Variants in DOCK11 observed in about 807,000 individuals in gnomAD.
DOCK11 encodes dedicator of cytokinesis 11.
Under a neutral mutation model 169.1 loss-of-function variants are expected in DOCK11, and 70 were observed. The ratio of observed to expected loss-of-function variants is 0.41; its 90% CI spans 0.34 to 0.51. The LOEUF (loss-of-function observed/expected upper bound fraction) is 0.51, where lower values mean the gene tolerates loss of function less well. Ranked by LOEUF, DOCK11 falls within the 20% of genes least tolerant of loss-of-function variation. The pLI, the probability that DOCK11 is intolerant of heterozygous loss-of-function variation, is 0.10. For missense variants in DOCK11, 1,166 were observed against 1,538.8 expected (o/e 0.76, Z 4.05); for synonymous variants, 529 against 541.3 (o/e 0.98, Z 0.32).
chrX:118,501,392 A>G (rs2057575119), intron 1 of DOCK11, among the ~76,000 whole-genome samples: 1 of 112,013 alleles, frequency 8.9e-6, no homozygotes, highest in Non-Finnish European at 1.9e-5. Context: ...AGGCTGAGGC[A>G]GGAGAATCGC....
chrX:118,647,704 T>C (rs1200912356), intron 40 of DOCK11, among the ~76,000 whole-genome samples: 1 of 52,348 alleles, frequency 1.9e-5, no homozygotes, highest in African/African-American at 8.6e-5. Context: ...ATATAATATA[T>C]AATAATATAA....
intron 6 of DOCK11, among the ~76,000 whole-genome samples, chrX:118,558,444 GTTATT>G (rs2012796800): frequency 8.9e-6 from 1 of 111,733 alleles, no homozygotes; most frequent in Non-Finnish European, 1.9e-5. Flanking sequence ...CTGTATAGTC[GTTATT>G]TTAACACCTG....
Position 118,584,753 on chromosome X carries a change from T to A in DOCK11, c.1614T>A (p.Thr538=). 8.5e-7 allele frequency: 1 copy of A among 1,177,066 alleles called. No homozygotes were observed. The highest frequency in any genetic ancestry group is 1.1e-6 in the Non-Finnish European group (1 of 878,549). The change falls in exon 15 of 53, where the codon ACT becomes ACA. Residue 538 remains threonine (T), a synonymous_variant. Coordinates refer to ENST00000276202, the MANE Select transcript of DOCK11 (RefSeq NM_144658.4). ...AWAARPIFKD[T]QGSLDLDGRF... Reference sequence around the variant, plus strand: ...GTTTTAGACCCATTTTCAAAGATACTCAAGGCTCTCTTGATCTGGATGGGA... The same window carrying A: ...GTTTTAGACCCATTTTCAAAGATACACAAGGCTCTCTTGATCTGGATGGGA...
chrX:118,647,669 AATT>A (rs777173487), intron 40 of DOCK11, among the ~76,000 whole-genome samples: 7,484 of 56,300 alleles, frequency 0.13, 558 homozygotes, highest in African/African-American at 0.16. Flanking sequence ...ATATATTAAT[AATT>A]ATTATATAAT....
intron 40 of DOCK11, among the ~76,000 whole-genome samples, chrX:118,646,071 A>C (rs1252716812): frequency 9.4e-6 from 1 of 106,730 alleles, no homozygotes; most frequent in Non-Finnish European, 1.9e-5. Flanking sequence ...AAAAAAAAAA[A>C]AAAAACACAA....
At chrX:118,650,241 C>T (rs1234391378) in intron 41 of DOCK11, among the ~76,000 whole-genome samples, 1 of 111,797 alleles carries the variant, frequency 8.9e-6, no homozygotes, top group Non-Finnish European at 1.9e-5. Flanking sequence ...TAAAATAAGG[C>T]GTGTATAGTG....
Position 118,683,118 on chromosome X carries a change from T to C in DOCK11, c.6003T>C (p.Asn2001=), listed in dbSNP as rs370426610. 27 of 1,208,904 alleles carry C rather than the reference T, an allele frequency of 2.2e-5. No individual in the cohort carries two copies. In the South Asian group the frequency reaches 4.6e-4, roughly 21 times the overall value. Residue 2001 remains asparagine (N), a synonymous_variant, in exon 52 of 53, where the codon AAT becomes AAC. Transcript: ENST00000276202. The part of the protein sequence containing the change: ...IQACSIALEL[N]ERLIKEDQVE... Reference sequence around the variant, plus strand: ...CATGCAGCATTGCACTTGAACTAAATGAGCGGCTAATTAAAGAAGATCAAG... The same window carrying C: ...CATGCAGCATTGCACTTGAACTAAACGAGCGGCTAATTAAAGAAGATCAAG...
At chrX:118,672,567 G>A (rs1310565408) in intron 46 of DOCK11, among the ~76,000 whole-genome samples, 1 of 112,432 alleles carries the variant, frequency 8.9e-6, no homozygotes, top group Non-Finnish European at 1.9e-5. Context: ...TGAGTAGCTG[G>A]GATTACAGGC....
intron 1 of DOCK11, among the ~76,000 whole-genome samples, chrX:118,518,638 C>T (rs1355990723): frequency 8.9e-6 from 1 of 111,995 alleles, no homozygotes; most frequent in Non-Finnish European, 1.9e-5. Context: ...ATAAGTGAAG[C>T]AGAGAGGATT....
chrX:118,654,298 A>G (rs1386882085), intron 42 of DOCK11, among the ~76,000 whole-genome samples: 2 of 112,322 alleles, frequency 1.8e-5, no homozygotes, highest in Non-Finnish European at 3.8e-5. Flanking sequence ...ACGGCAAACA[A>G]AGATCACTCC....
rs773863422 is a variant in DOCK11, at chrX:118,680,621, C to A, written c.5600C>A (p.Ala1867Asp). The A allele has an allele frequency of 6.6e-6, 8 of 1,208,386 alleles. No individual in the cohort carries two copies. ...AATATCAGCAGATTTGTTTTTGAGG[C>A]CCCTTACACTTTATCAGGCAAAAAA... is the stretch of plus-strand genomic sequence containing the variant. ...NHNISRFVFE[A>D]PYTLSGKKQG... The change falls in exon 49 of 53, where the codon GCC becomes GAC. Residue 1867 changes from alanine (A) to aspartate (D), a missense_variant. Coordinates refer to ENST00000276202, the MANE Select transcript of DOCK11 (RefSeq NM_144658.4).
chrX:118,572,013 G>A (rs1036434747), intron 10 of DOCK11, among the ~76,000 whole-genome samples: 2 of 112,098 alleles, frequency 1.8e-5, no homozygotes, highest in Non-Finnish European at 3.8e-5. Flanking sequence ...AATTGTGGTA[G>A]GAGATGAGGT....
At chrX:118,635,543 A>G (rs1464694056) in intron 35 of DOCK11, among the ~76,000 whole-genome samples, 4 of 112,252 alleles carry the variant, frequency 3.6e-5, no homozygotes, top group Non-Finnish European at 7.5e-5. Context: ...CAGAGAGAAA[A>G]AGGAAAGTTA....
chrX:118,677,172 A>G (rs945810051), intron 48 of DOCK11, among the ~76,000 whole-genome samples: 1 of 112,369 alleles, frequency 8.9e-6, no homozygotes, highest in Non-Finnish European at 1.9e-5. Context: ...CCGTTACATC[A>G]TGATTAAAAT....
At position 118,550,833 on chromosome X, in the gene DOCK11, A is replaced by G. The variant is rs373568491; in HGVS notation, c.558+4717A>G. Among the ~76,000 whole-genome samples the G allele has an allele frequency of 2.7e-5, 3 of 112,536 alleles. No homozygotes were observed. In the East Asian group the frequency reaches 8.4e-4, roughly 31 times the overall value. On this transcript the variant is annotated intron_variant, in intron 6 of 52. Transcript: ENST00000276202. ...GGAAAAGGCAGAGGCAGAAGAACTG[A>G]GACAAAGGGTTGACAGAGTTTGAGA...
chrX:118,679,974 T>C (rs1391186882), intron 48 of DOCK11, among the ~76,000 whole-genome samples: 1 of 92,548 alleles, frequency 1.1e-5, no homozygotes, highest in East Asian at 3.5e-4. Flanking sequence ...TCGCCCAGAC[T>C]GGAGTTCAGT....
chrX:118,591,417 C>A (rs2059913354), intron 19 of DOCK11, among the ~76,000 whole-genome samples: 2 of 110,985 alleles, frequency 1.8e-5, no homozygotes, highest in South Asian at 7.7e-4. Flanking sequence ...CAAAACCATG[C>A]TTTGTATGAA....
At chrX:118,652,663 A>C (rs2015972949) in intron 42 of DOCK11, among the ~76,000 whole-genome samples, 1 of 112,054 alleles carries the variant, frequency 8.9e-6, no homozygotes, top group Non-Finnish European at 1.9e-5. Flanking sequence ...CTATATGCTT[A>C]AAACTTATAG....
chrX:118,626,258 G>A (rs749701541), intron 32 of DOCK11, among the ~76,000 whole-genome samples: 1 of 24,624 alleles, frequency 4.1e-5, no homozygotes, highest in African/African-American at 9.4e-5. Context: ...TAGTAGAGAC[G>A]GGGGGTTTCA....
Sources: allele counts gnomAD v4.1 joint callset (sites outside exome capture counted in the v4.1 genomes callset), GRCh38; gene constraint gnomAD v4.1.1; transcripts MANE v1.5; gene names NCBI Gene and HGNC (gene_info 2026-07-23, HGNC 2026-07-21).